DLG2: variants seen among roughly 807,000 people sequenced by gnomAD.
DLG2 encodes the protein disks large homolog 2.
A neutral mutation model predicts 132.5 loss-of-function variants in DLG2; 45 were observed. The ratio of observed to expected loss-of-function variants is 0.34; its 90% CI spans 0.27 to 0.44. The LOEUF is 0.44. Ranked by LOEUF, DLG2 falls within the 20% of genes least tolerant of loss-of-function variation. DLG2 has a pLI of 1.00. For missense variants in DLG2, 1,045 were observed against 1,196.9 expected, an observed-to-expected ratio of 0.87 and a Z score of 1.87; for synonymous variants, 424 against 419.6, an observed-to-expected ratio of 1.01 and a Z score of -0.13.
intron 4 of DLG2, among the ~76,000 whole-genome samples, chr11:85,268,238 C>A (rs2152729366): frequency 6.6e-6 from 1 of 152,254 alleles, no homozygotes; most frequent in East Asian, 1.9e-4. Context: ...CTATTTAAAG[C>A]CATCCCTCTG....
At chr11:83,668,647 ATG>A (rs1232977672) in intron 18 of DLG2, among the ~76,000 whole-genome samples, 1 of 151,246 alleles carries the variant, frequency 6.6e-6, no homozygotes, top group African/African-American at 2.4e-5. Context: ...ATATACACAC[ATG>A]TGTATGTATA....
At chr11:84,094,064 T>C (rs2097134583) in intron 10 of DLG2, among the ~76,000 whole-genome samples, 1 of 151,974 alleles carries the variant, frequency 6.6e-6, no homozygotes, top group African/African-American at 2.4e-5. Flanking sequence ...CTGGTAACAG[T>C]GGGTCTTTTA....
At chr11:84,378,705 C>T (rs545715378) in intron 7 of DLG2, among the ~76,000 whole-genome samples, 17 of 151,146 alleles carry the variant, frequency 1.1e-4, no homozygotes, top group Non-Finnish European at 1.9e-4. Flanking sequence ...CTGAGGTGGG[C>T]GGATTACGAG....
Position 85,294,417 on chromosome 11 carries a change from G to A in DLG2, c.41-9052C>T, listed in dbSNP as rs1222352122. ...GTATACAGTGCAGAATGGCATGGAA[G>A]AGGTAGAAGATCAGATCATTAGGGC... On this transcript the variant is annotated intron_variant, in intron 3 of 27. Coordinates refer to ENST00000376104, the MANE Select transcript of DLG2 (RefSeq NM_001142699.3). 2.6e-5 allele frequency among the ~76,000 whole-genome samples: 4 copies of A among 152,104 alleles called. No homozygotes were observed. The East Asian group carries it at 5.8e-4, about 22-fold the overall frequency.
intron 7 of DLG2, among the ~76,000 whole-genome samples, chr11:84,508,647 GC>G (rs1053355375): frequency 7.2e-5 from 11 of 152,014 alleles, no homozygotes; most frequent in African/African-American, 2.4e-4. Context: ...TGATCCACTC[GC>G]CTCGGCCTCC....
chr11:85,244,770 A>G (rs2076054713), intron 4 of DLG2, among the ~76,000 whole-genome samples: 1 of 152,028 alleles, frequency 6.6e-6, no homozygotes, highest in African/African-American at 2.4e-5. Context: ...TTTATGTAAC[A>G]GCACTATCAA....
chr11:84,069,306 A>G lies in DLG2; in HGVS notation c.750-9822T>C, dbSNP rs562242456. On this transcript the variant is annotated intron_variant, in intron 10 of 27. Transcript: ENST00000376104. ...AAATACTCAATCTTATGTAGACCCA[A>G]CTGAGTATGTGATAAAAGTCCTGAG... 2.6e-5 allele frequency among the ~76,000 whole-genome samples: 4 copies of G among 152,314 alleles called. No individual in the cohort carries two copies. In the South Asian group the frequency reaches 6.2e-4, roughly 24 times the overall value.
At chr11:83,896,551 C>T (rs781196254) in intron 15 of DLG2, among the ~76,000 whole-genome samples, 3 of 152,114 alleles carry the variant, frequency 2.0e-5, no homozygotes, top group South Asian at 2.1e-4. Flanking sequence ...AGCTTGACCC[C>T]GTAAACAGGC....
chr11:85,618,960 C>T lies in DLG2; in HGVS notation c.-93+7627G>A, dbSNP rs181285089. Reference sequence around the variant, plus strand: ...TCAAGTCATTAGCATATGCTTTGTACTCTCCCAATAGATATGTAAAATAAA... The same window carrying T: ...TCAAGTCATTAGCATATGCTTTGTATTCTCCCAATAGATATGTAAAATAAA... On this transcript the variant is annotated intron_variant, in intron 2 of 27. Coordinates refer to ENST00000376104, the MANE Select transcript of DLG2 (RefSeq NM_001142699.3). 3.9e-5 allele frequency among the ~76,000 whole-genome samples: 6 copies of T among 152,322 alleles called. No homozygotes were observed. The South Asian group carries it at 6.2e-4, about 16-fold the overall frequency.
intron 22 of DLG2, among the ~76,000 whole-genome samples, chr11:83,474,797 CTAAA>C (rs139678303): frequency 0.034 from 5,235 of 152,196 alleles, 327 homozygotes; most frequent in African/African-American, 0.12. Context: ...ATCGTTTTCT[CTAAA>C]TAAATAGAGC....
chr11:83,733,117 C>T (rs563349706), intron 18 of DLG2, among the ~76,000 whole-genome samples: 33 of 151,326 alleles, frequency 2.2e-4, no homozygotes, highest in African/African-American at 7.8e-4. Context: ...GGTGGGTGCT[C>T]GTAATCCCAG....
At chr11:84,963,459 T>C (rs1163047199) in intron 6 of DLG2, among the ~76,000 whole-genome samples, 1 of 151,700 alleles carries the variant, frequency 6.6e-6, no homozygotes, top group East Asian at 1.9e-4. Context: ...GCTGTTTCAA[T>C]AAGGTATCTG....
At chr11:85,417,674 A>G (rs1208983564) in intron 3 of DLG2, among the ~76,000 whole-genome samples, 4 of 152,090 alleles carry the variant, frequency 2.6e-5, no homozygotes, top group African/African-American at 7.2e-5. Context: ...TAGTCTTGTG[A>G]GGGTGTATGT....
At chr11:85,493,918 A>C (rs184738360) in intron 3 of DLG2, among the ~76,000 whole-genome samples, 9 of 152,312 alleles carry the variant, frequency 5.9e-5, no homozygotes, top group Non-Finnish European at 8.8e-5. Flanking sequence ...GGGAATTCCA[A>C]GATGAAGGCA....
intron 3 of DLG2, among the ~76,000 whole-genome samples, chr11:85,310,167 AC>A (rs898288160): frequency 6.6e-6 from 1 of 152,194 alleles, no homozygotes; most frequent in African/African-American, 2.4e-5. Context: ...CCTAGAATAG[AC>A]AAAAATAATC....
chr11:83,775,105 T>TAAA (rs2094533556), intron 18 of DLG2, among the ~76,000 whole-genome samples: 1 of 152,142 alleles, frequency 6.6e-6, no homozygotes, highest in African/African-American at 2.4e-5. Flanking sequence ...GCCGCTACTG[T>TAAA]CGGACTCCGT....
At chr11:85,132,985 T>C (rs1380956264) in intron 5 of DLG2, 3 of 344,088 alleles carry the variant, frequency 8.7e-6, no homozygotes, top group Non-Finnish European at 1.2e-5. Flanking sequence ...AGCAGGATTC[T>C]GCTAGGCACC....
At chr11:84,500,748 A>C (rs1420411978) in intron 7 of DLG2, among the ~76,000 whole-genome samples, 1 of 152,190 alleles carries the variant, frequency 6.6e-6, no homozygotes, top group Admixed American at 6.5e-5. Context: ...GTACACTGGG[A>C]TCAGAAACCA....
intron 4 of DLG2, among the ~76,000 whole-genome samples, chr11:85,252,442 C>A (rs2076443098): frequency 1.3e-5 from 2 of 152,076 alleles, no homozygotes; most frequent in Admixed American, 1.3e-4. Flanking sequence ...AACAATTAGC[C>A]AAGCATGGTG....
Sources: gnomAD v4.1 joint callset for allele counts (sites outside exome capture counted in the v4.1 genomes callset) on GRCh38, gnomAD v4.1.1 for gene constraint, MANE v1.5 for transcripts, NCBI Gene and HGNC (gene_info 2026-07-23, HGNC 2026-07-21) for gene names.